LRRC4C: variants seen among roughly 807,000 people sequenced by gnomAD.
LRRC4C encodes leucine-rich repeat-containing protein 4C.
Under a neutral mutation model 33.6 loss-of-function variants are expected in LRRC4C, and 5 were observed. The ratio of observed to expected loss-of-function variants is 0.15; its 90% CI spans 0.08 to 0.31. LRRC4C has a LOEUF of 0.31. Ranked by LOEUF, LRRC4C falls within the 10% of genes least tolerant of loss-of-function variation. The probability of loss-of-function intolerance (pLI) is 1.00; values close to 1 mark genes in which losing one functional copy is unlikely to be tolerated. For missense variants in LRRC4C, 560 were observed against 796.7 expected (o/e 0.70, Z 3.58); for synonymous variants, 329 against 302.0 (o/e 1.09, Z -0.93).
intron 2 of LRRC4C, among the ~76,000 whole-genome samples, chr11:40,861,033 A>G (rs1265791205): frequency 6.6e-6 from 1 of 152,142 alleles, no homozygotes; most frequent in Non-Finnish European, 1.5e-5. Flanking sequence ...TTATAATTGT[A>G]AATTACATGA....
intron 2 of LRRC4C, among the ~76,000 whole-genome samples, chr11:40,719,168 T>TAGCTCCC (rs1946880351): frequency 6.6e-6 from 1 of 152,228 alleles, no homozygotes; most frequent in Admixed American, 6.5e-5. Flanking sequence ...AGATAAAGGC[T>TAGCTCCC]TACAATTTCC....
intron 5 of LRRC4C, among the ~76,000 whole-genome samples, chr11:40,199,746 T>G (rs1443308102): frequency 6.6e-6 from 1 of 152,166 alleles, no homozygotes; most frequent in African/African-American, 2.4e-5. Context: ...TAATTTTGCT[T>G]TCCAACTAGT....
intron 5 of LRRC4C, among the ~76,000 whole-genome samples, chr11:40,179,791 T>C (rs1419836322): frequency 6.6e-6 from 1 of 152,216 alleles, no homozygotes; most frequent in South Asian, 2.1e-4. Context: ...AATTTGAAGA[T>C]GAACATGTTA....
intron 1 of LRRC4C, among the ~76,000 whole-genome samples, chr11:40,984,892 A>ATTTTT (rs1352712808): frequency 4.1e-5 from 1 of 24,654 alleles, no homozygotes; most frequent in Non-Finnish European, 1.3e-4. Flanking sequence ...TCTCACTGAC[A>ATTTTT]CTTTTTTTTT....
intron 3 of LRRC4C, among the ~76,000 whole-genome samples, chr11:40,510,563 C>T (rs148015740): frequency 1.1e-4 from 16 of 152,208 alleles, no homozygotes; most frequent in African/African-American, 3.4e-4. Context: ...TTGCCATTAG[C>T]TAAACAGCAT....
chr11:40,877,425 C>T (rs114533399), intron 2 of LRRC4C, among the ~76,000 whole-genome samples: 5 of 152,118 alleles, frequency 3.3e-5, no homozygotes, highest in Non-Finnish European at 7.4e-5. Context: ...ATTGTTGCCT[C>T]GTTGTCAACA....
rs749962230 is a variant in LRRC4C, at chr11:40,116,229, G to A, written c.64C>T (p.Leu22=). 10 of 1,614,080 alleles carry A rather than the reference G, an allele frequency of 6.2e-6. No homozygotes were observed. The highest frequency in any genetic ancestry group is 5.9e-6 in the Non-Finnish European group (7 of 1,180,018). ...AGCACCACAAGCAGGGGGTCAAATA[G>A]GGCCCTGTTAAACCTAGGACCTATC... is the stretch of plus-strand genomic sequence containing the variant. The part of the protein sequence containing the change: ...IMIGPRFNRA[L]FDPLLVVLLA... The change falls in exon 7 of 7, where the codon CTA becomes TTA. Residue 22 remains leucine (L), a synonymous_variant. Transcript: ENST00000528697.
chr11:40,439,473 A>G lies in LRRC4C; in HGVS notation c.-269-119752T>C, dbSNP rs866082777. 8.1e-3 allele frequency among the ~76,000 whole-genome samples: 1,074 copies of G among 132,202 alleles called. 11 individuals carry two copies. Among genetic ancestry groups the G allele is most frequent in the African/African-American group, 0.028 (1,014 of 35,736 alleles). The allele number at this position is 132,202 out of a possible 152,430, so 86.7% of individuals were successfully genotyped here. A position where few individuals can be genotyped will look rare whatever the true frequency, so the allele number is the denominator to read the frequency against. Reference sequence around the variant, plus strand: ...CATTTATTCTTTTTTTTTTTTTTTGAGACGGAGTCTCATTCTGTCGCCCAG... The same window carrying G: ...CATTTATTCTTTTTTTTTTTTTTTGGGACGGAGTCTCATTCTGTCGCCCAG... On this transcript the variant is annotated intron_variant, in intron 3 of 6. Transcript: ENST00000528697.
intron 1 of LRRC4C, among the ~76,000 whole-genome samples, chr11:41,226,220 T>C (rs1460317185): frequency 6.6e-6 from 1 of 152,136 alleles, no homozygotes; most frequent in Non-Finnish European, 1.5e-5. Flanking sequence ...CATGACTTTC[T>C]GAGATGAGTG....
At chr11:40,306,607 C>A (rs1041554242) in intron 4 of LRRC4C, among the ~76,000 whole-genome samples, 1 of 152,186 alleles carries the variant, frequency 6.6e-6, no homozygotes, top group African/African-American at 2.4e-5. Flanking sequence ...TCCAACCCAC[C>A]CATGGCTAAT....
At chr11:40,204,420 T>C (rs1244614365) in intron 5 of LRRC4C, among the ~76,000 whole-genome samples, 4 of 152,086 alleles carry the variant, frequency 2.6e-5, no homozygotes, top group African/African-American at 9.7e-5. Flanking sequence ...TTAGAAAACA[T>C]GTAATTATAA....
intron 3 of LRRC4C, among the ~76,000 whole-genome samples, chr11:40,373,045 A>G (rs1038811694): frequency 6.6e-6 from 1 of 152,174 alleles, no homozygotes; most frequent in African/African-American, 2.4e-5. Flanking sequence ...AGTTCTTCCT[A>G]TGCATATTTC....
chr11:40,743,785 G>A (rs1948282242), intron 2 of LRRC4C, among the ~76,000 whole-genome samples: 1 of 151,984 alleles, frequency 6.6e-6, no homozygotes, highest in Non-Finnish European at 1.5e-5. Flanking sequence ...GTCCAGAAAG[G>A]TCCAGCTCCT....
At chr11:40,621,427 C>A (rs546876941) in intron 3 of LRRC4C, among the ~76,000 whole-genome samples, 9 of 151,870 alleles carry the variant, frequency 5.9e-5, no homozygotes, top group Admixed American at 2.0e-4. Context: ...CATGAACTGG[C>A]ATCTGCTGTT....
chr11:40,971,797 C>G (rs907017244), intron 1 of LRRC4C, among the ~76,000 whole-genome samples: 1 of 152,160 alleles, frequency 6.6e-6, no homozygotes, highest in Non-Finnish European at 1.5e-5. Flanking sequence ...CTACCCAAAG[C>G]CATAGGAGCC....
intron 1 of LRRC4C, among the ~76,000 whole-genome samples, chr11:41,343,782 T>G (rs1951714166): frequency 6.6e-6 from 1 of 152,232 alleles, no homozygotes; most frequent in African/African-American, 2.4e-5. Context: ...TGGAATGTTT[T>G]TCCAGGAAAG....
At chr11:40,717,436 A>C (rs1946785605) in intron 2 of LRRC4C, among the ~76,000 whole-genome samples, 2 of 152,140 alleles carry the variant, frequency 1.3e-5, no homozygotes. Flanking sequence ...AGACTCTTTA[A>C]AATATAAGCT....
intron 3 of LRRC4C, among the ~76,000 whole-genome samples, chr11:40,607,390 C>G (rs1196230364): frequency 6.6e-6 from 1 of 152,074 alleles, no homozygotes; most frequent in Non-Finnish European, 1.5e-5. Flanking sequence ...CTGCTATGTC[C>G]CCCATCCTGT....
At chr11:40,977,311 C>T (rs1852158844) in intron 1 of LRRC4C, among the ~76,000 whole-genome samples, 1 of 152,162 alleles carries the variant, frequency 6.6e-6, no homozygotes, top group Non-Finnish European at 1.5e-5. Flanking sequence ...CAGGGTGGCA[C>T]TTGATTTCTG....
Sources: gnomAD v4.1 joint callset for allele counts (sites outside exome capture counted in the v4.1 genomes callset) on GRCh38, gnomAD v4.1.1 for gene constraint, MANE v1.5 for transcripts, NCBI Gene and HGNC (gene_info 2026-07-23, HGNC 2026-07-21) for gene names.